GPHN: variants seen among roughly 807,000 people sequenced by gnomAD.
GPHN encodes the protein gephyrin.
In GPHN, 17 loss-of-function variants were observed where a neutral mutation model predicts 95.5. The observed-to-expected ratio is 0.18, with a 90% CI of 0.12 to 0.27. GPHN has a LOEUF of 0.27. Ranked by LOEUF, GPHN falls within the 10% of genes least tolerant of loss-of-function variation. The pLI is 1.00. For synonymous variants in GPHN, 320 were observed against 322.5 expected (o/e 0.99, Z 0.08); for missense variants, 660 against 978.1 (o/e 0.67, Z 4.34).
At chr14:67,234,256 AT>A in the GPHN span, among the ~76,000 whole-genome samples, 2 of 152,334 alleles carry the variant, frequency 1.3e-5, no homozygotes, top group Non-Finnish European at 2.9e-5. Context: ...AAAATATTCA[AT>A]TTTAGAGCTT....
chr14:66,799,275 G>A (rs1182031364), intron 3 of GPHN, among the ~76,000 whole-genome samples: 2 of 151,906 alleles, frequency 1.3e-5, no homozygotes, highest in African/African-American at 4.8e-5. Flanking sequence ...GCTAAGGAGA[G>A]GAATGTGTAC....
intron 1 of GPHN, among the ~76,000 whole-genome samples, chr14:66,666,701 A>T (rs1247899286): frequency 6.6e-6 from 1 of 152,214 alleles, no homozygotes; most frequent in Non-Finnish European, 1.5e-5. Flanking sequence ...TAAAAGCTGG[A>T]AGCATTCTCC....
At chr14:66,587,706 A>T (rs1342061884) in intron 1 of GPHN, among the ~76,000 whole-genome samples, 3 of 152,230 alleles carry the variant, frequency 2.0e-5, no homozygotes, top group South Asian at 4.1e-4. Flanking sequence ...GTCCATTCTG[A>T]CATTACTATA....
At chr14:66,824,235 CT>C (rs1488387103) in intron 3 of GPHN, among the ~76,000 whole-genome samples, 3 of 152,096 alleles carry the variant, frequency 2.0e-5, no homozygotes, top group Non-Finnish European at 2.9e-5. Context: ...GTTTTATTTA[CT>C]TTCAAGAATT....
chr14:67,516,826 G>A, the GPHN span, among the ~76,000 whole-genome samples: 3 of 152,182 alleles, frequency 2.0e-5, no homozygotes, highest in Non-Finnish European at 4.4e-5. Flanking sequence ...TTCTGATTGG[G>A]GCAGAGGGAG....
At chr14:67,556,946 A>G in the GPHN span, among the ~76,000 whole-genome samples, 1 of 152,054 alleles carries the variant, frequency 6.6e-6, no homozygotes, top group Non-Finnish European at 1.5e-5. Flanking sequence ...GTCCTGCCCA[A>G]CTCATTCCTC....
chr14:67,662,026 C>T, the GPHN span, among the ~76,000 whole-genome samples: 33 of 152,050 alleles, frequency 2.2e-4, no homozygotes, highest in African/African-American at 8.0e-4. Context: ...TGTGGTGGCG[C>T]CCACCTGTAT....
chr14:66,652,082 A>G (rs1270753797), intron 1 of GPHN, among the ~76,000 whole-genome samples: 1 of 152,072 alleles, frequency 6.6e-6, no homozygotes, highest in Non-Finnish European at 1.5e-5. Flanking sequence ...AATGAAATCC[A>G]TCTTTCTTTG....
chr14:66,753,768 T>G (rs2058457575), intron 2 of GPHN, among the ~76,000 whole-genome samples: 1 of 152,086 alleles, frequency 6.6e-6, no homozygotes, highest in African/African-American at 2.4e-5. Context: ...TTCAGTGATT[T>G]TTAGTATACT....
the GPHN span, among the ~76,000 whole-genome samples, chr14:67,728,900 G>C: frequency 8.5e-5 from 13 of 152,234 alleles, no homozygotes; most frequent in Admixed American, 3.9e-4. Context: ...ACTACATGTT[G>C]TCATGTTTAT....
chr14:67,648,004 T>G, the GPHN span: 5 of 1,531,656 alleles, frequency 3.3e-6, no homozygotes, highest in Non-Finnish European at 4.4e-6. Context: ...GGACAACCAG[T>G]TAAGTATTAT....
At chr14:67,540,454 C>T in the GPHN span, among the ~76,000 whole-genome samples, 3 of 151,876 alleles carry the variant, frequency 2.0e-5, no homozygotes, top group South Asian at 6.2e-4. Flanking sequence ...AGTGAATCTC[C>T]ATCTCTACTA....
At chr14:66,894,344 A>G (rs535427946) in intron 5 of GPHN, among the ~76,000 whole-genome samples, 1 of 152,122 alleles carries the variant, frequency 6.6e-6, no homozygotes, top group African/African-American at 2.4e-5. Flanking sequence ...TTCCTTACAC[A>G]TTATACAAAA....
chr14:67,690,363 C>A, the GPHN span: 1 of 1,614,190 alleles, frequency 6.2e-7, no homozygotes, highest in South Asian at 1.1e-5. Context: ...CATTTACTAT[C>A]CTTGATGGGG....
Position 66,751,346 on chromosome 14 carries a change from C to T in GPHN, c.144-25118C>T, listed in dbSNP as rs185073032. Among the ~76,000 whole-genome samples the T allele has an allele frequency of 1.5e-4, 23 of 152,134 alleles. No individual in the cohort carries two copies. The East Asian group carries it at 3.1e-3, about 20-fold the overall frequency. ...GCATTCTGTTTTCTCTGCAACCTCA[C>T]CAGCATCTGTTATTTTTGGACTTTT... On this transcript the variant is annotated intron_variant, in intron 2 of 22. Transcript: ENST00000478722.
intron 3 of GPHN, among the ~76,000 whole-genome samples, chr14:66,777,352 G>A (rs1345339785): frequency 6.6e-6 from 1 of 152,132 alleles, no homozygotes; most frequent in Non-Finnish European, 1.5e-5. Context: ...ACCAAAAAGA[G>A]TCCAGGACCA....
intron 1 of GPHN, among the ~76,000 whole-genome samples, chr14:66,668,711 A>T (rs2066113746): frequency 6.6e-6 from 1 of 152,114 alleles, no homozygotes; most frequent in Admixed American, 6.5e-5. Flanking sequence ...TAATGAAATA[A>T]TTGTTACAAC....
intron 9 of GPHN, among the ~76,000 whole-genome samples, chr14:66,991,666 C>T (rs748716238): frequency 5.3e-5 from 8 of 150,316 alleles, no homozygotes; most frequent in Admixed American, 1.3e-4. Flanking sequence ...TCCCTACTTG[C>T]GGGCTGATCA....
chr14:67,235,368 C>A, the GPHN span, among the ~76,000 whole-genome samples: 1 of 152,086 alleles, frequency 6.6e-6, no homozygotes, highest in African/African-American at 2.4e-5. Context: ...CTTGATCTTT[C>A]CTTCATTATA....
Sources: allele counts gnomAD v4.1 joint callset (sites outside exome capture counted in the v4.1 genomes callset), GRCh38; gene constraint gnomAD v4.1.1; transcripts MANE v1.5; gene names NCBI Gene and HGNC (gene_info 2026-07-23, HGNC 2026-07-21).